Variants in TCF12 observed in about 807,000 individuals in gnomAD.
TCF12 encodes the protein transcription factor 12, also known as DNA-binding protein HTF4.
TCF12 carries 45 observed loss-of-function variants against 86.0 expected under a neutral mutation model. The ratio of observed to expected loss-of-function variants is 0.52; its 90% CI spans 0.41 to 0.67. The LOEUF (loss-of-function observed/expected upper bound fraction) is 0.67, where lower values mean the gene tolerates loss of function less well. TCF12 is among the 30% of genes least tolerant of loss of function. The probability of loss-of-function intolerance (pLI) is 0.00; values close to 1 mark genes in which losing one functional copy is unlikely to be tolerated. For synonymous variants in TCF12, 330 were observed against 299.6 expected (o/e 1.10, Z -1.05); for missense variants, 881 against 859.9 (o/e 1.02, Z -0.31).
chr15:57,007,824 C>CTTTCTTTCTT (rs2064522989), intron 3 of TCF12, among the ~76,000 whole-genome samples: 4 of 126,230 alleles, frequency 3.2e-5, no homozygotes, highest in African/African-American at 1.2e-4. Context: ...CTTTCTTTTT[C>CTTTCTTTCTT]TTTCTTTCTT....
At chr15:57,210,860 T>C (rs1317135779) in intron 8 of TCF12, among the ~76,000 whole-genome samples, 8 of 152,302 alleles carry the variant, frequency 5.3e-5, no homozygotes, top group African/African-American at 1.9e-4. Context: ...TGTATAATAG[T>C]CCTGTTTACT....
In TCF12 at chr15:57,234,973, C is replaced by T. The variant is rs77378370; in HGVS notation, c.1035+866C>T. 9.1e-3 allele frequency among the ~76,000 whole-genome samples: 1,384 copies of T among 152,198 alleles called. 25 individuals carry two copies. The highest frequency in any genetic ancestry group is 0.031 in the African/African-American group (1,300 of 41,504). On this transcript the variant is annotated intron_variant, in intron 12 of 20. Coordinates refer to ENST00000333725, the MANE Select transcript of TCF12 (RefSeq NM_207037.2). Reference sequence around the variant, plus strand: ...TGCCATTCATGGAGAAGGCAGAGCACGTTAATACCTGAGTGGTAGGAAGCA... The same window carrying T: ...TGCCATTCATGGAGAAGGCAGAGCATGTTAATACCTGAGTGGTAGGAAGCA...
At chr15:57,170,899 G>A (rs1410171224) in intron 6 of TCF12, among the ~76,000 whole-genome samples, 2 of 135,758 alleles carry the variant, frequency 1.5e-5, no homozygotes, top group Non-Finnish European at 1.5e-5. Context: ...GCCTCATCCT[G>A]ACAAAGTGCT....
At chr15:57,039,808 A>G (rs1473244242) in intron 3 of TCF12, among the ~76,000 whole-genome samples, 2 of 152,214 alleles carry the variant, frequency 1.3e-5, no homozygotes, top group African/African-American at 2.4e-5. Flanking sequence ...AAGGACAAGA[A>G]GAGTTACTAG....
At chr15:57,219,438 C>T (rs936737732) in intron 8 of TCF12, 8 of 1,521,882 alleles carry the variant, frequency 5.3e-6, no homozygotes, top group Non-Finnish European at 7.1e-6. Flanking sequence ...GTACTGAAGA[C>T]TTACTCCCTT....
intron 3 of TCF12, among the ~76,000 whole-genome samples, chr15:56,944,376 G>A (rs2060905633): frequency 6.6e-6 from 1 of 152,110 alleles, no homozygotes; most frequent in Admixed American, 6.6e-5. Context: ...TTTCAGCCGA[G>A]AGCAAGATAA....
chr15:57,259,083 A>T (rs989221913), intron 16 of TCF12, among the ~76,000 whole-genome samples: 1 of 152,102 alleles, frequency 6.6e-6, no homozygotes, highest in Non-Finnish European at 1.5e-5. Flanking sequence ...GCAATTTTTT[A>T]AATTTTTATT....
At chr15:57,056,093 A>G (rs1038099883) in intron 3 of TCF12, among the ~76,000 whole-genome samples, 2 of 145,134 alleles carry the variant, frequency 1.4e-5, no homozygotes, top group African/African-American at 2.6e-5. Context: ...TTTCTTTCTA[A>G]ATTTCAGATA....
intron 5 of TCF12, among the ~76,000 whole-genome samples, chr15:57,141,895 T>G (rs1022145683): frequency 5.3e-5 from 8 of 152,020 alleles, no homozygotes; most frequent in African/African-American, 1.9e-4. Flanking sequence ...TAGGCAAAAA[T>G]GTAGGAACTC....
chr15:56,982,006 G>A (rs1477178336), intron 3 of TCF12, among the ~76,000 whole-genome samples: 3 of 151,970 alleles, frequency 2.0e-5, no homozygotes, highest in African/African-American at 7.2e-5. Context: ...TTTATTGGGG[G>A]AAAAAAACAC....
At chr15:57,030,118 CAT>C (rs1367683995) in intron 3 of TCF12, among the ~76,000 whole-genome samples, 3 of 152,030 alleles carry the variant, frequency 2.0e-5, no homozygotes, top group African/African-American at 7.2e-5. Flanking sequence ...ATTACTGGGT[CAT>C]GTGATAATTT....
At position 56,984,249 on chromosome 15, in the gene TCF12, GGTGTGTGTGTGTGTGT is replaced by G. The variant is rs56221122; in HGVS notation, c.148+63181_148+63196del. On this transcript the variant is annotated intron_variant, in intron 3 of 20. Transcript: ENST00000333725. ...ACAAATTTAGGAAAAGCATGTGCAT[GGTGTGTGTGTGTGTGT>G]GTGTGTGTGTGTGTGTGTGTGTGTG... 3.6e-4 allele frequency among the ~76,000 whole-genome samples: 44 copies of G among 123,074 alleles called. 1 individual carries two copies. The East Asian group carries it at 6.2e-3, about 17-fold the overall frequency. 80.7% of individuals were successfully genotyped at this position (123,074 alleles called of 152,430 possible).
chr15:57,291,301 T>C (rs536935294), downstream of TCF12, among the ~76,000 whole-genome samples: 4 of 151,366 alleles, frequency 2.6e-5, 1 homozygote, highest in East Asian at 5.8e-4. Context: ...AAATCCTATG[T>C]AAATCGTTAT....
intron 1 of TCF12, 129 bp downstream of exon 1, chr15:56,919,035 G>A (rs189670679): frequency 1.5e-3 from 225 of 152,012 alleles, no homozygotes; most frequent in Non-Finnish European, 2.8e-3. Context: ...TTTGTACAGC[G>A]CGAAACCCGG....
In TCF12 at chr15:57,034,798, T is replaced by C. The variant is rs143284869; in HGVS notation, c.149-28952T>C. On this transcript the variant is annotated intron_variant, in intron 3 of 20. Transcript: ENST00000333725. ...TGATTTAAACCCAGAACTAGGACAC[T>C]GTCTCCCTGGTCAGTGTTATTTCCA... is the stretch of plus-strand genomic sequence containing the variant. Among the ~76,000 whole-genome samples the C allele has an allele frequency of 3.2e-3, 488 of 152,320 alleles. 8 individuals are homozygous for C. Among genetic ancestry groups the C allele is most frequent in the African/African-American group, 0.011 (465 of 41,574 alleles).
intron 3 of TCF12, among the ~76,000 whole-genome samples, chr15:57,001,583 T>A (rs1280076700): frequency 1.3e-5 from 2 of 152,210 alleles, no homozygotes; most frequent in Non-Finnish European, 2.9e-5. Context: ...ATAGTTTTCC[T>A]TATACCTGAT....
chr15:57,266,224 G>T (rs1443261932), intron 18 of TCF12, among the ~76,000 whole-genome samples: 3 of 151,854 alleles, frequency 2.0e-5, no homozygotes, highest in Non-Finnish European at 4.4e-5. Flanking sequence ...ATTACAGGCA[G>T]ATGCCACCAT....
intron 3 of TCF12, among the ~76,000 whole-genome samples, chr15:56,981,182 G>C (rs182971672): frequency 6.6e-6 from 1 of 152,176 alleles, no homozygotes; most frequent in Admixed American, 6.5e-5. Context: ...TATATATCTT[G>C]GTTTGTTATG....
At chr15:56,961,173 A>G (rs2061735922) in intron 3 of TCF12, among the ~76,000 whole-genome samples, 1 of 152,044 alleles carries the variant, frequency 6.6e-6, no homozygotes, top group South Asian at 2.1e-4. Flanking sequence ...TACCTACAGT[A>G]TGCTAGCTAG....
Sources: allele counts gnomAD v4.1 joint callset (sites outside exome capture counted in the v4.1 genomes callset), GRCh38; gene constraint gnomAD v4.1.1; transcripts MANE v1.5; gene names NCBI Gene and HGNC (gene_info 2026-07-23, HGNC 2026-07-21).